The following STK39 variants were observed in gnomAD, a reference collection of about 807,000 sequenced individuals.
The protein encoded by STK39 is STE20/SPS1-related proline-alanine-rich protein kinase.
STK39 carries 20 observed loss-of-function variants against 77.8 expected under a neutral mutation model. The observed-to-expected ratio is 0.26, with a 90% CI of 0.18 to 0.37. The LOEUF (loss-of-function observed/expected upper bound fraction) is 0.37, where lower values mean the gene tolerates loss of function less well. Among genes scored for constraint, STK39 ranks in the 10% least tolerant of loss-of-function variants. The probability of loss-of-function intolerance (pLI) is 1.00; values close to 1 mark genes in which losing one functional copy is unlikely to be tolerated. For synonymous variants in STK39, 246 were observed against 234.1 expected, an observed-to-expected ratio of 1.05 and a Z score of -0.47; for missense variants, 479 against 656.5, an observed-to-expected ratio of 0.73 and a Z score of 2.95.
chr2:168,041,076 T>C (rs1312137448), intron 14 of STK39, among the ~76,000 whole-genome samples: 1 of 152,142 alleles, frequency 6.6e-6, no homozygotes, highest in African/African-American at 2.4e-5. Flanking sequence ...CACTTGGAGC[T>C]TACCGTCTAG....
At chr2:168,241,326 G>C (rs984406862) in intron 1 of STK39, among the ~76,000 whole-genome samples, 8 of 152,196 alleles carry the variant, frequency 5.3e-5, no homozygotes, top group Non-Finnish European at 1.0e-4. Flanking sequence ...TTTCCTGCCA[G>C]CATGGCAGCC....
At position 168,114,576 on chromosome 2, in the gene STK39, C is replaced by T. The variant is rs530464223; in HGVS notation, c.1089+14965G>A. On this transcript the variant is annotated intron_variant, in intron 10 of 17. Transcript: ENST00000355999. ...CATGAGGTTCAAAACCAGCCCAGGG[C>T]CAGTGAGGCTGTAATCTCAAGGTTA... is the stretch of plus-strand genomic sequence containing the variant. Among the ~76,000 whole-genome samples, 234 of 152,158 alleles carry T rather than the reference C, an allele frequency of 1.5e-3. 1 individual carries two copies. Among genetic ancestry groups the T allele is most frequent in the African/African-American group, 5.5e-3 (229 of 41,502 alleles).
intron 16 of STK39, among the ~76,000 whole-genome samples, chr2:167,989,867 T>TA (rs974761298): frequency 1.3e-4 from 19 of 151,210 alleles, no homozygotes; most frequent in East Asian, 9.7e-4. Context: ...TGATAAGCAG[T>TA]AAAAAAAAAT....
chr2:168,219,985 A>C (rs1018244681), intron 1 of STK39, among the ~76,000 whole-genome samples: 4 of 151,820 alleles, frequency 2.6e-5, no homozygotes, highest in African/African-American at 9.7e-5. Flanking sequence ...GTATGCTATG[A>C]GGTACTGTCC....
chr2:167,964,251 AT>A (rs1195025791), intron 17 of STK39: 1 of 162,378 alleles, frequency 6.2e-6, no homozygotes, highest in Non-Finnish European at 1.3e-5. Context: ...TACCTAAACC[AT>A]TTCTACAACA....
At chr2:168,047,573 C>G (rs1460281535) in intron 14 of STK39, among the ~76,000 whole-genome samples, 1 of 152,164 alleles carries the variant, frequency 6.6e-6, no homozygotes, top group Non-Finnish European at 1.5e-5. Context: ...CAGAGCTTCT[C>G]CATTAAGACA....
At chr2:168,048,474 A>C (rs1321517311) in intron 14 of STK39, among the ~76,000 whole-genome samples, 1 of 151,076 alleles carries the variant, frequency 6.6e-6, no homozygotes, top group African/African-American at 2.4e-5. Context: ...GGCCTCCCAA[A>C]GTGCTGGGAT....
intron 1 of STK39, among the ~76,000 whole-genome samples, chr2:168,233,359 C>G (rs1690510260): frequency 6.6e-6 from 1 of 152,160 alleles, no homozygotes; most frequent in Non-Finnish European, 1.5e-5. Flanking sequence ...TCCGGTCACT[C>G]AAGGGACACT....
At chr2:168,140,609 T>G (rs769051009) in intron 6 of STK39, 40 bp downstream of exon 6, 3 of 1,480,268 alleles carry the variant, frequency 2.0e-6, no homozygotes, top group Non-Finnish European at 2.8e-6. Context: ...TGTACGATTG[T>G]ACTATGTCCA....
chr2:167,962,870 C>G (rs75158669), intron 17 of STK39, among the ~76,000 whole-genome samples: 3 of 152,146 alleles, frequency 2.0e-5, no homozygotes, highest in African/African-American at 4.8e-5. Flanking sequence ...TCTGTGTGAT[C>G]GCTGTGTGAT....
chr2:168,065,327 C>T lies in STK39; in HGVS notation c.1297G>A (p.Asp433Asn), dbSNP rs1314561370. 11 of 1,613,894 alleles carry T rather than the reference C, an allele frequency of 6.8e-6. No homozygotes were observed. The highest frequency in any genetic ancestry group is 3.3e-5 in the South Asian group (3 of 91,078). The change falls in exon 13 of 18, where the codon GAC (aspartate) becomes AAC (asparagine). Residue 433 changes from aspartate (D) to asparagine (N), a missense_variant. Physicochemically the swap from Asp to Asn is conservative, Grantham distance 23. Coordinates refer to ENST00000355999, the MANE Select transcript of STK39 (RefSeq NM_013233.3). ...PEQIQSLSVHDSQGPPNANED... is the reference protein window; with the variant it reads ...PEQIQSLSVHNSQGPPNANED... ...CTGGCAGAGAAACATACCTGAGAGT[C>T]GTGCACAGAGAGGGACTGTATTTGT...
intron 14 of STK39, among the ~76,000 whole-genome samples, chr2:168,061,984 A>T (rs1685677548): frequency 6.6e-6 from 1 of 152,200 alleles, no homozygotes. Flanking sequence ...AATCTTCAGG[A>T]GGAAGAACCA....
chr2:168,125,597 A>G (rs2105498846), intron 10 of STK39, among the ~76,000 whole-genome samples: 1 of 152,294 alleles, frequency 6.6e-6, no homozygotes, highest in East Asian at 1.9e-4. Flanking sequence ...CTCAGACTAG[A>G]GCCAAAGAAA....
chr2:167,996,907 G>A (rs928856440), intron 16 of STK39, among the ~76,000 whole-genome samples: 4 of 151,798 alleles, frequency 2.6e-5, no homozygotes, highest in African/African-American at 9.7e-5. Flanking sequence ...CTCCTCTTAG[G>A]TCTAGACTTT....
intron 17 of STK39, among the ~76,000 whole-genome samples, chr2:167,961,849 C>T (rs1012477714): frequency 1.3e-5 from 2 of 152,218 alleles, no homozygotes; most frequent in South Asian, 2.1e-4. Flanking sequence ...TAAGACCAGA[C>T]ATTAGGTCCT....
intron 16 of STK39, among the ~76,000 whole-genome samples, chr2:168,000,428 C>CCT (rs1384384787): frequency 6.6e-6 from 1 of 152,140 alleles, no homozygotes; most frequent in Non-Finnish European, 1.5e-5. Context: ...GCTGAGAAGC[C>CCT]CATTAGAATA....
intron 17 of STK39, among the ~76,000 whole-genome samples, chr2:167,956,385 C>T (rs898445325): frequency 6.6e-6 from 1 of 151,948 alleles, no homozygotes; most frequent in Admixed American, 6.6e-5. Context: ...GGTGAAACCC[C>T]GTCTCTACTA....
chr2:168,110,116 A>T (rs1687082901), intron 10 of STK39, among the ~76,000 whole-genome samples: 1 of 152,234 alleles, frequency 6.6e-6, no homozygotes. Flanking sequence ...TGAGCTCCAA[A>T]GCAATAGGTT....
chr2:168,243,821 C>T (rs8179807), intron 1 of STK39, among the ~76,000 whole-genome samples: 88,679 of 151,960 alleles, frequency 0.58, 27,979 homozygotes, highest in Non-Finnish European at 0.73. Context: ...ATTAACACCC[C>T]CAACAAATAA....
Sources: allele counts gnomAD v4.1 joint callset (sites outside exome capture counted in the v4.1 genomes callset), GRCh38; gene constraint gnomAD v4.1.1; transcripts MANE v1.5; gene names NCBI Gene and HGNC (gene_info 2026-07-23, HGNC 2026-07-21).